Variants in SPSB3 observed in about 807,000 individuals in gnomAD.
SPSB3 encodes SPRY domain-containing SOCS box protein 3.
In SPSB3, 18 loss-of-function variants were observed where a neutral mutation model predicts 29.5. The ratio of observed to expected loss-of-function variants is 0.61; its 90% CI spans 0.42 to 0.91. The LOEUF (loss-of-function observed/expected upper bound fraction) is 0.91, where lower values mean the gene tolerates loss of function less well. Ranked by LOEUF, SPSB3 falls within the 40% of genes least tolerant of loss-of-function variation. The pLI is 0.00. For missense variants in SPSB3, 540 were observed against 507.5 expected, an observed-to-expected ratio of 1.06 and a Z score of -0.61; for synonymous variants, 299 against 214.1, an observed-to-expected ratio of 1.40 and a Z score of -3.46.
chr16:1,778,363 T>C, intron 3 of SPSB3, 42 bp from the exon 4 acceptor site: 1 of 1,610,444 alleles, frequency 6.2e-7, no homozygotes, highest in South Asian at 1.1e-5. Flanking sequence ...GAGAGCTCCA[T>C]GGGGCTCTGC....
intron 2 of SPSB3, 30 bp downstream of exon 2, chr16:1,781,328 G>A (rs373691227): frequency 2.5e-6 from 4 of 1,612,744 alleles, no homozygotes; most frequent in Non-Finnish European, 3.4e-6. Context: ...CCTTAGGCCA[G>A]CCACGTCCGC....
chr16:1,777,943 CACCCGTGT>C lies in SPSB3; in HGVS notation c.590_595+2del, dbSNP rs750953090. The C allele has an allele frequency of 6.2e-7, 1 of 1,612,596 alleles. No homozygotes were observed. Among genetic ancestry groups the C allele is most frequent in the Non-Finnish European group, 8.5e-7 (1 of 1,179,884 alleles). On this transcript the variant is annotated splice_donor_variant and coding_sequence_variant, in exon 5 of 7. Coordinates refer to ENST00000566339, the MANE Select transcript of SPSB3 (RefSeq NM_080861.4). LOFTEE classifies it high-confidence loss of function. ...GCCCCGCCCCACCCTGGGCCTCACG[CACCCGTGT>C]AGGAGAGGCCCCAGCTGTCCTCATC... is the stretch of plus-strand genomic sequence containing the variant.
chr16:1,780,792 G>A (rs145417370), intron 2 of SPSB3: 2 of 231,524 alleles, frequency 8.6e-6, no homozygotes, highest in East Asian at 2.4e-4. Flanking sequence ...GAACGCACTG[G>A]TGTGATCACG....
chr16:1,777,229 CTTG>C lies in SPSB3; in HGVS notation c.933_935del (p.Asn311del), dbSNP rs756361383. ...AACTCATGCTCAGGACCCAGCCCAG[CTTG>C]TTGTGTAGCACCTGCTTGAGGCCCG... On this transcript the variant is annotated inframe_deletion, in exon 7 of 7. Transcript: ENST00000566339. 4 of 1,610,782 alleles carry C rather than the reference CTTG, an allele frequency of 2.5e-6. No individual in the cohort carries two copies. Among genetic ancestry groups the C allele is most frequent in the Non-Finnish European group, 3.4e-6 (4 of 1,179,878 alleles).
chr16:1,782,365 AC>A (rs979317510), intron 1 of SPSB3, 136 bp downstream of exon 1: 1 of 151,584 alleles, frequency 6.6e-6, no homozygotes, highest in Non-Finnish European at 1.5e-5. Flanking sequence ...AGTCGGCGGC[AC>A]CGGGGAAGCC....
intron 6 of SPSB3, 113 bp downstream of exon 6, chr16:1,777,634 G>C: frequency 6.6e-7 from 1 of 1,524,520 alleles, no homozygotes; most frequent in Non-Finnish European, 8.8e-7. Context: ...TGGGGCCTCA[G>C]GCTTCTGGGA....
chr16:1,778,788 C>T (rs550261420), intron 2 of SPSB3, 176 bp from the exon 3 acceptor site: 58 of 619,966 alleles, frequency 9.4e-5, no homozygotes, highest in Non-Finnish European at 1.4e-4. Flanking sequence ...CAACGGGCTC[C>T]GGCTCTGCCC....
chr16:1,777,043 G>C lies in SPSB3; in HGVS notation c.*54C>G. On this transcript the variant is annotated 3_prime_UTR_variant, in exon 7 of 7. Coordinates refer to ENST00000566339, the MANE Select transcript of SPSB3 (RefSeq NM_080861.4). ...GGAAGGAAGGGACAGAGAAAGAAGG[G>C]ACAGAGGAAAGGGGCTGTCCCAGCC... 2 of 1,564,488 alleles carry C rather than the reference G, an allele frequency of 1.3e-6. No homozygotes were observed. Among genetic ancestry groups the C allele is most frequent in the Non-Finnish European group, 1.7e-6 (2 of 1,150,644 alleles).
chr16:1,778,552 C>T lies in SPSB3; in HGVS notation c.187G>A (p.Val63Met). Residue 63 changes from valine to methionine, a missense_variant, in exon 3 of 7, where the codon GTG becomes ATG. Coordinates refer to ENST00000566339, the MANE Select transcript of SPSB3 (RefSeq NM_080861.4). ...CAGAAGGACTCGCCGGTCACGGGCA[C>T]CGCACTGGGGATGGATGGCGGCAGC... is the stretch of plus-strand genomic sequence containing the variant. ...STLPPSIPSA[V>M]PVTGESFCDC... 6.2e-7 allele frequency: 1 copy of T among 1,605,350 alleles called. No individual in the cohort carries two copies. Among genetic ancestry groups the T allele is most frequent in the Non-Finnish European group, 8.5e-7 (1 of 1,174,708 alleles).
chr16:1,781,589 A>G, intron 1 of SPSB3, 94 bp from the exon 2 acceptor site: 1 of 1,389,854 alleles, frequency 7.2e-7, no homozygotes, highest in Non-Finnish European at 9.8e-7. Context: ...CAAAGTGGGG[A>G]CTGCAGGGGC....
intron 2 of SPSB3, 93 bp from the exon 3 acceptor site, chr16:1,778,705 A>AT: frequency 7.1e-7 from 1 of 1,414,136 alleles, no homozygotes; most frequent in Non-Finnish European, 9.4e-7. Flanking sequence ...TCCCTGACCC[A>AT]CCCAGGAAAG....
chr16:1,777,350 G>A lies in SPSB3; in HGVS notation c.815C>T (p.Ala272Val), dbSNP rs1280764676. 10 of 1,606,956 alleles carry A rather than the reference G, an allele frequency of 6.2e-6. No individual in the cohort carries two copies. Among genetic ancestry groups the A allele is most frequent in the South Asian group, 3.3e-5 (3 of 90,986 alleles). ...CAGGTACTGGAGGGAAGTGGCGCTG[G>A]CACAGGAGCGGGTGACCTTCATGCT... ...RSSMKVTRSC[A>V]SATSLQYLCC... The change falls in exon 7 of 7, where the codon GCC (alanine) becomes GTC (valine). Residue 272 changes from alanine (A) to valine (V), a missense_variant. Ala to Val is a moderately conservative substitution (Grantham distance 64). Coordinates refer to ENST00000566339, the MANE Select transcript of SPSB3 (RefSeq NM_080861.4).
In SPSB3 at chr16:1,777,167, G is replaced by C; in HGVS notation, c.998C>G (p.Ala333Gly). 6.2e-7 allele frequency: 1 copy of C among 1,611,130 alleles called. No individual in the cohort carries two copies. The highest frequency in any genetic ancestry group is 8.5e-7 in the Non-Finnish European group (1 of 1,179,882). The change falls in exon 7 of 7, where the codon GCA becomes GGA. Residue 333 changes from alanine (A) to glycine (G), a missense_variant. Ala to Gly is a moderately conservative substitution (Grantham distance 60). Coordinates refer to ENST00000566339, the MANE Select transcript of SPSB3 (RefSeq NM_080861.4). ...RRKAPVSDPQAATSAHPSSRE... is the reference protein window; with the variant it reads ...RRKAPVSDPQGATSAHPSSRE... Reference sequence around the variant, plus strand: ...ACTGCTGGGGTGGGCGGAGGTCGCTGCCTGGGGATCGGACACTGGAGCCTT... The same window carrying C: ...ACTGCTGGGGTGGGCGGAGGTCGCTCCCTGGGGATCGGACACTGGAGCCTT...
At chr16:1,777,580 C>T in intron 6 of SPSB3, 137 bp from the exon 7 acceptor site, 5 of 1,360,330 alleles carry the variant, frequency 3.7e-6, no homozygotes, top group Non-Finnish European at 3.9e-6. Context: ...ACGCGCTGGC[C>T]CTGCCACTCC....
chr16:1,781,550 G>A, intron 1 of SPSB3, 55 bp from the exon 2 acceptor site: 2 of 1,570,480 alleles, frequency 1.3e-6, no homozygotes, highest in Non-Finnish European at 1.7e-6. Context: ...TCCCAGCCCT[G>A]AGCTTCCAGG....
rs1896762735 is a variant in SPSB3, at chr16:1,782,527, C to CG, written c.-39dup. 1 of 153,340 alleles carries CG rather than the reference C, an allele frequency of 6.5e-6. No individual in the cohort carries two copies. The highest frequency in any genetic ancestry group is 1.5e-5 in the Non-Finnish European group (1 of 68,766). 9.5% of individuals were successfully genotyped at this position (153,340 alleles called of 1,614,324 possible). On this transcript the variant is annotated 5_prime_UTR_variant, in exon 1 of 7. Transcript: ENST00000566339. ...CTGCAGCCCCCGCTGCGCGCTCCGC[C>CG]GGCCCGGCCCTGACCCACTTTCCGC...
Position 1,777,391 on chromosome 16 carries a change from G to A in SPSB3, c.774C>T (p.Ser258=), listed in dbSNP as rs376352519. 2.8e-5 allele frequency: 45 copies of A among 1,591,674 alleles called. No individual in the cohort carries two copies. The highest frequency in any genetic ancestry group is 3.8e-5 in the Non-Finnish European group (44 of 1,171,716). Residue 258 remains serine, a synonymous_variant, in exon 7 of 7, where the codon TCC becomes TCT. Coordinates refer to ENST00000566339, the MANE Select transcript of SPSB3 (RefSeq NM_080861.4). Reference sequence around the variant, plus strand: ...CCTTCATGCTGCTCCGGGCCGCCGTGGAGCACACCATCGGGTAGAATCTCT... The same window carrying A: ...CCTTCATGCTGCTCCGGGCCGCCGTAGAGCACACCATCGGGTAGAATCTCT... ...QNKRFYPMVC[S]TAARSSMKVT...
At position 1,778,305 on chromosome 16, in the gene SPSB3, C is replaced by G; in HGVS notation, c.321G>C (p.Trp107Cys). The G allele has an allele frequency of 6.2e-7, 1 of 1,612,388 alleles. No individual in the cohort carries two copies. The change falls in exon 4 of 7, where the codon TGG becomes TGC. Residue 107 changes from tryptophan to cysteine, a missense_variant. By Grantham distance (215) the Trp-to-Cys change is radical. Transcript: ENST00000566339. ...GEEDEYFDWV[W>C]DDLNKSSATL... ...TGGCTGATGACTTATTTAAGTCATC[C>G]CAGACCCAGTCGAAATCTGCAAGAG...
chr16:1,778,887 A>G (rs867433700), intron 2 of SPSB3: 18 of 368,118 alleles, frequency 4.9e-5, no homozygotes, highest in African/African-American at 3.6e-4. Context: ...TAGACGGTGG[A>G]TAAGCCCCAG....
Sources: gnomAD v4.1 joint callset for allele counts on GRCh38, gnomAD v4.1.1 for gene constraint, MANE v1.5 for transcripts, NCBI Gene and HGNC (gene_info 2026-07-23, HGNC 2026-07-21) for gene names.